MEGF6: variants seen among roughly 807,000 people sequenced by gnomAD.
The protein encoded by MEGF6 is multiple epidermal growth factor-like domains protein 6.
Under a neutral mutation model 207.1 loss-of-function variants are expected in MEGF6, and 184 were observed. The ratio of observed to expected loss-of-function variants is 0.89; its 90% CI spans 0.79 to 1.00. The LOEUF (loss-of-function observed/expected upper bound fraction) is 1.00, where lower values mean the gene tolerates loss of function less well. MEGF6 is among the 50% of genes least tolerant of loss of function. The probability of loss-of-function intolerance (pLI) is 0.00; values close to 1 mark genes in which losing one functional copy is unlikely to be tolerated. For synonymous variants in MEGF6, 1,038 were observed against 910.0 expected (o/e 1.14, Z -2.53); for missense variants, 2,282 against 2,202.9 (o/e 1.04, Z -0.72).
At chr1:3,612,186 C>T (rs1420241154), upstream of MEGF6, among the ~76,000 whole-genome samples, 8 of 152,144 alleles carry the variant, frequency 5.3e-5, no homozygotes, top group African/African-American at 2.4e-5. Context: ...TGGGCATCCC[C>T]GTTCCTCTTT....
rs1171328121 is a variant in MEGF6, at chr1:3,611,135, C to G, written c.131+3G>C. On this transcript the variant is annotated splice_donor_region_variant and intron_variant, in intron 1 of 36. Coordinates refer to ENST00000356575, the MANE Select transcript of MEGF6 (RefSeq NM_001409.4). ...CCGAGCCCTCCCAGCTCCTGCTACT[C>G]ACATGCCGGGCTGCAGCGGGAGCAG... The G allele has an allele frequency of 3.3e-6, 5 of 1,511,330 alleles. No individual in the cohort carries two copies. In the Admixed American group the frequency reaches 1.0e-4, roughly 32 times the overall value. 93.6% of individuals were successfully genotyped at this position (1,511,330 alleles called of 1,614,324 possible).
chr1:3,507,185 G>A (rs556139390), intron 14 of MEGF6, among the ~76,000 whole-genome samples: 2 of 152,324 alleles, frequency 1.3e-5, no homozygotes, highest in Admixed American at 6.5e-5. Flanking sequence ...GGGCCACCTG[G>A]GGGACAGGTT....
At chr1:3,590,738 G>T (rs1169774455) in intron 3 of MEGF6, among the ~76,000 whole-genome samples, 5 of 151,678 alleles carry the variant, frequency 3.3e-5, no homozygotes, top group African/African-American at 1.2e-4. Flanking sequence ...TCCCCTGCCA[G>T]CAGGGGCTGG....
the MEGF6 span, among the ~76,000 whole-genome samples, chr1:3,619,714 T>C: frequency 1.3e-5 from 2 of 150,956 alleles, no homozygotes; most frequent in African/African-American, 4.9e-5. Context: ...TTGAACCTCT[T>C]TCCTTTATAA....
At chr1:3,495,713 G>A (rs35037645) in intron 30 of MEGF6, among the ~76,000 whole-genome samples, 177 bp downstream of exon 30, 1 of 152,232 alleles carries the variant, frequency 6.6e-6, no homozygotes, top group Non-Finnish European at 1.5e-5. Flanking sequence ...AAGCAGGGCA[G>A]CGTAGTCAAC....
rs1642539650 is a variant in MEGF6, at chr1:3,541,964, C to T, written c.482-17718G>A. ...ACACTCCGATGAAAACCCAGCTCCA[C>T]CCTGGAAGCCCCCGCGGCCAAGTAG... On this transcript the variant is annotated intron_variant, in intron 4 of 36. Coordinates refer to ENST00000356575, the MANE Select transcript of MEGF6 (RefSeq NM_001409.4). 3.3e-5 allele frequency among the ~76,000 whole-genome samples: 5 copies of T among 152,368 alleles called. No homozygotes were observed. In the South Asian group the frequency reaches 1.0e-3, roughly 32 times the overall value.
At chr1:3,540,430 G>A (rs1040404750) in intron 4 of MEGF6, among the ~76,000 whole-genome samples, 2 of 152,216 alleles carry the variant, frequency 1.3e-5, no homozygotes, top group African/African-American at 4.8e-5. Flanking sequence ...CCACAGGAAC[G>A]TGGCCCCAGC....
At chr1:3,575,480 T>C (rs1024035054) in intron 4 of MEGF6, among the ~76,000 whole-genome samples, 5 of 152,156 alleles carry the variant, frequency 3.3e-5, no homozygotes, top group Non-Finnish European at 5.9e-5. Flanking sequence ...CTTGTGTAAT[T>C]ACCCCAAGAG....
At chr1:3,523,585 C>A (rs1371460435) in intron 5 of MEGF6, among the ~76,000 whole-genome samples, 1 of 152,190 alleles carries the variant, frequency 6.6e-6, no homozygotes, top group Admixed American at 6.5e-5. Flanking sequence ...CCAGGCTCCC[C>A]AAGCTGGGCA....
At chr1:3,555,051 T>C (rs1177446566) in intron 4 of MEGF6, among the ~76,000 whole-genome samples, 3 of 152,106 alleles carry the variant, frequency 2.0e-5, no homozygotes, top group African/African-American at 7.2e-5. Flanking sequence ...CCACACCCTC[T>C]TGTCCAGGGC....
intron 4 of MEGF6, among the ~76,000 whole-genome samples, chr1:3,559,283 T>C (rs1643121028): frequency 6.6e-6 from 1 of 152,086 alleles, no homozygotes; most frequent in Non-Finnish European, 1.5e-5. Context: ...CATGGGGTGG[T>C]TCCTCCTAAT....
intron 4 of MEGF6, among the ~76,000 whole-genome samples, chr1:3,551,253 A>G (rs1487627269): frequency 1.3e-5 from 2 of 152,172 alleles, no homozygotes. Flanking sequence ...CTGGGGATGG[A>G]GCAGCTGGTG....
chr1:3,499,462 G>A, intron 23 of MEGF6, 126 bp downstream of exon 23: 2 of 1,437,410 alleles, frequency 1.4e-6, no homozygotes, highest in East Asian at 2.5e-5. Flanking sequence ...AGTGAGCAAA[G>A]CATCACTCTC....
rs1404141469 is a variant in MEGF6 at position 3,611,429 on chromosome 1, C to G, written c.-161G>C. ...AGGTGCGGAGCGTCCCGGCTTCCCG[C>G]CCGCGCCCAAAGTGGCACCGCGGAG... is the stretch of plus-strand genomic sequence containing the variant. On this transcript the variant is annotated 5_prime_UTR_variant, in exon 1 of 37. Coordinates refer to ENST00000356575, the MANE Select transcript of MEGF6 (RefSeq NM_001409.4). 4 of 1,070,886 alleles carry G rather than the reference C, an allele frequency of 3.7e-6. No individual in the cohort carries two copies. Among genetic ancestry groups the G allele is most frequent in the Non-Finnish European group, 4.9e-6 (4 of 814,662 alleles). The allele number at this position is 1,070,886 out of a possible 1,614,324, so 66.3% of individuals were successfully genotyped here. A position where few individuals can be genotyped will look rare whatever the true frequency, so the allele number is the denominator to read the frequency against.
the MEGF6 span, among the ~76,000 whole-genome samples, chr1:3,617,935 G>A: frequency 6.6e-6 from 1 of 152,194 alleles, no homozygotes; most frequent in Admixed American, 6.5e-5. Context: ...CAGCACTGCA[G>A]GAAACTCCTG....
chr1:3,496,285 G>A (rs1490214953), intron 29 of MEGF6, among the ~76,000 whole-genome samples: 1 of 152,228 alleles, frequency 6.6e-6, no homozygotes, highest in Non-Finnish European at 1.5e-5. Flanking sequence ...TCCCAGAAGG[G>A]GAAAGTCCCT....
chr1:3,592,320 C>A (rs548708316), intron 3 of MEGF6, among the ~76,000 whole-genome samples: 5 of 152,294 alleles, frequency 3.3e-5, no homozygotes, highest in African/African-American at 1.2e-4. Context: ...CCAGGCCCCC[C>A]GCTGACCCTG....
rs1016682957 is a variant in MEGF6 at position 3,594,571 on chromosome 1, C to G, written c.376+767G>C. Among the ~76,000 whole-genome samples the G allele has an allele frequency of 2.0e-5, 3 of 152,232 alleles. No individual in the cohort carries two copies. In the East Asian group the frequency reaches 5.8e-4, roughly 29 times the overall value. On this transcript the variant is annotated intron_variant, in intron 3 of 36. Coordinates refer to ENST00000356575, the MANE Select transcript of MEGF6 (RefSeq NM_001409.4). The surrounding 1 kb of genome is among the most constrained non-coding windows in gnomAD (Gnocchi z 4.2). Reference sequence around the variant, plus strand: ...AGGCCGGCTTTATGGGACAGGGTCCCATGACCTCTGGACTGACCCCTCCCA... The same window carrying G: ...AGGCCGGCTTTATGGGACAGGGTCCGATGACCTCTGGACTGACCCCTCCCA...
intron 36 of MEGF6, 134 bp downstream of exon 36, chr1:3,490,778 C>T: frequency 7.6e-7 from 1 of 1,308,156 alleles, no homozygotes; most frequent in Non-Finnish European, 1.1e-6. Context: ...TCTCTGAGCT[C>T]CAGATTCCTG....
Sources: allele counts gnomAD v4.1 joint callset (sites outside exome capture counted in the v4.1 genomes callset), GRCh38; gene constraint gnomAD v4.1.1; non-coding constraint Gnocchi (gnomAD v3.1); transcripts MANE v1.5; gene names NCBI Gene and HGNC (gene_info 2026-07-23, HGNC 2026-07-21).